SLMAP: variants seen among roughly 807,000 people sequenced by gnomAD.
The protein encoded by SLMAP is sarcolemma associated protein.
SLMAP carries 44 observed loss-of-function variants against 128.8 expected under a neutral mutation model. That is an observed-to-expected ratio of 0.34 (90% CI 0.27 to 0.44). The LOEUF (loss-of-function observed/expected upper bound fraction) is 0.44, where lower values mean the gene tolerates loss of function less well. Ranked by LOEUF, SLMAP falls within the 20% of genes least tolerant of loss-of-function variation. SLMAP has a pLI of 1.00. For missense variants in SLMAP, 787 were observed against 985.3 expected (o/e 0.80, Z 2.69); for synonymous variants, 327 against 348.8 (o/e 0.94, Z 0.70).
chr3:57,798,933 A>G (rs1012332456), intron 2 of SLMAP, among the ~76,000 whole-genome samples: 3 of 152,180 alleles, frequency 2.0e-5, no homozygotes, highest in African/African-American at 7.2e-5. Context: ...CTCAGTTTAT[A>G]GTTGCAGTCA....
At chr3:57,862,177 G>C (rs529740574) in intron 10 of SLMAP, 91 bp downstream of exon 10, 1 of 1,066,532 alleles carries the variant, frequency 9.4e-7, no homozygotes, top group Admixed American at 2.3e-5. Context: ...TTAGCTGGGC[G>C]TGGGGTGGCG....
At chr3:57,908,100 A>C (rs2096611383) in intron 18 of SLMAP, 94 bp downstream of exon 18, 2 of 1,176,410 alleles carry the variant, frequency 1.7e-6, no homozygotes, top group Non-Finnish European at 2.4e-6. Flanking sequence ...GGCATGTTCC[A>C]GATTCACAAC....
At chr3:57,885,418 T>G (rs1354761870) in intron 14 of SLMAP, among the ~76,000 whole-genome samples, 2 of 84,034 alleles carry the variant, frequency 2.4e-5, no homozygotes. Flanking sequence ...TGTTGTTGTT[T>G]TTGTGTTTTT....
At chr3:57,761,995 C>T (rs1327351316) in intron 2 of SLMAP, among the ~76,000 whole-genome samples, 2 of 142,200 alleles carry the variant, frequency 1.4e-5, no homozygotes, top group East Asian at 2.1e-4. Context: ...TGCAGTGAGC[C>T]GAGATTGCGC....
At chr3:57,927,112 T>C (rs2097023633) in intron 24 of SLMAP, among the ~76,000 whole-genome samples, 184 bp from the exon 25 acceptor site, 1 of 151,856 alleles carries the variant, frequency 6.6e-6, no homozygotes, top group Non-Finnish European at 1.5e-5. Flanking sequence ...CCTGCTATTA[T>C]GACTCTTCTT....
chr3:57,763,336 G>A (rs1380311188), intron 2 of SLMAP, among the ~76,000 whole-genome samples: 4 of 150,410 alleles, frequency 2.7e-5, no homozygotes, highest in African/African-American at 7.4e-5. Context: ...GTGCAATGGT[G>A]TGATCTCGGC....
intron 5 of SLMAP, among the ~76,000 whole-genome samples, chr3:57,848,260 C>T (rs563905687): frequency 2.0e-5 from 3 of 150,586 alleles, no homozygotes; most frequent in Non-Finnish European, 4.4e-5. Context: ...TTCTCCTCCT[C>T]CTCCTCCTCT....
Position 57,923,558 on chromosome 3 carries a change from A to AT in SLMAP, c.2445+542dup, listed in dbSNP as rs577151759. On this transcript the variant is annotated intron_variant, in intron 23 of 24. Coordinates refer to ENST00000671191, the MANE Select transcript of SLMAP (RefSeq NM_001377540.1). ...AACATTTTGGTATAAATTGAGTTTA[A>AT]TTTTTTTGTTTTTCATTTGCTAGAA... Among the ~76,000 whole-genome samples the AT allele has an allele frequency of 2.8e-3, 422 of 152,272 alleles. 1 individual carries two copies. The highest frequency in any genetic ancestry group is 9.7e-3 in the African/African-American group (404 of 41,546).
chr3:57,893,331 C>T (rs116498771), intron 15 of SLMAP, among the ~76,000 whole-genome samples: 1,912 of 151,574 alleles, frequency 0.013, 27 homozygotes, highest in African/African-American at 0.044. Context: ...CTAATCAGCA[C>T]GCTTAGGTGG....
chr3:57,919,383 G>GA (rs1196503584), intron 22 of SLMAP, among the ~76,000 whole-genome samples: 143 of 119,854 alleles, frequency 1.2e-3, no homozygotes, highest in South Asian at 3.6e-3. Context: ...CTCCATCTCA[G>GA]AAAAAAAAAA....
At chr3:57,857,246 G>T (rs2153593095) in intron 6 of SLMAP, among the ~76,000 whole-genome samples, 1 of 152,262 alleles carries the variant, frequency 6.6e-6, no homozygotes, top group African/African-American at 2.4e-5. Context: ...AGACTAAAAT[G>T]ATGTGGCCCA....
chr3:57,789,776 GTTC>G (rs2085039201), intron 2 of SLMAP, among the ~76,000 whole-genome samples: 1 of 152,002 alleles, frequency 6.6e-6, no homozygotes, highest in Non-Finnish European at 1.5e-5. Context: ...GATGTTCTGA[GTTC>G]TTTTTTTCTT....
intron 17 of SLMAP, among the ~76,000 whole-genome samples, chr3:57,905,252 T>C (rs1480743947): frequency 2.6e-5 from 4 of 152,124 alleles, no homozygotes; most frequent in Non-Finnish European, 1.5e-5. Flanking sequence ...CTATTCGAGT[T>C]CATACCCTAC....
intron 6 of SLMAP, among the ~76,000 whole-genome samples, chr3:57,856,659 G>T (rs2094805912): frequency 6.6e-6 from 1 of 151,044 alleles, no homozygotes; most frequent in African/African-American, 2.4e-5. Context: ...GTATTTTACA[G>T]TTAATGTTTT....
At chr3:57,845,932 C>G (rs979888249) in intron 4 of SLMAP, among the ~76,000 whole-genome samples, 2 of 151,980 alleles carry the variant, frequency 1.3e-5, no homozygotes, top group Non-Finnish European at 2.9e-5. Context: ...ACCTCTGCCT[C>G]CCAGGTTCAA....
intron 2 of SLMAP, among the ~76,000 whole-genome samples, chr3:57,776,522 C>CTCTCTCTTTT (rs571722815): frequency 1.1e-5 from 1 of 92,606 alleles, no homozygotes; most frequent in Non-Finnish European, 2.1e-5. Context: ...CTCTCTCTCT[C>CTCTCTCTTTT]TTTTTTTTTT....
At chr3:57,815,987 T>A (rs7651518) in intron 2 of SLMAP, among the ~76,000 whole-genome samples, 1 of 151,992 alleles carries the variant, frequency 6.6e-6, no homozygotes, top group African/African-American at 2.4e-5. Flanking sequence ...TCCTTTAACC[T>A]TTACAACAAA....
At chr3:57,773,882 A>G (rs1381007212) in intron 2 of SLMAP, among the ~76,000 whole-genome samples, 14 of 152,182 alleles carry the variant, frequency 9.2e-5, no homozygotes. Context: ...AAAAGACTGC[A>G]CTTGTGTGCA....
intron 2 of SLMAP, among the ~76,000 whole-genome samples, chr3:57,793,222 C>T (rs2085926789): frequency 6.6e-6 from 1 of 152,188 alleles, no homozygotes; most frequent in Non-Finnish European, 1.5e-5. Flanking sequence ...CCCCTACACC[C>T]TGTAGGCTTC....
Sources: gnomAD v4.1 joint callset for allele counts (sites outside exome capture counted in the v4.1 genomes callset) on GRCh38, gnomAD v4.1.1 for gene constraint, MANE v1.5 for transcripts, NCBI Gene and HGNC (gene_info 2026-07-23, HGNC 2026-07-21) for gene names.